Variants in TRUB1 observed in about 807,000 individuals in gnomAD.
TRUB1 encodes the protein pseudouridylate synthase TRUB1.
In TRUB1, 23 loss-of-function variants were observed where a neutral mutation model predicts 33.9. That is an observed-to-expected ratio of 0.68 (90% CI 0.49 to 0.96). TRUB1 has a LOEUF of 0.96. Ranked by LOEUF, TRUB1 falls within the 40% of genes least tolerant of loss-of-function variation. The pLI, the probability that TRUB1 is intolerant of heterozygous loss-of-function variation, is 0.00. For synonymous variants in TRUB1, 163 were observed against 165.4 expected (o/e 0.99, Z 0.11); for missense variants, 378 against 422.2 (o/e 0.90, Z 0.92).
At chr10:114,972,571 G>C (rs1267450056) in intron 6 of TRUB1, among the ~76,000 whole-genome samples, 2 of 152,136 alleles carry the variant, frequency 1.3e-5, no homozygotes, top group African/African-American at 4.8e-5. Context: ...AGAAGAGTAG[G>C]TAAGGAGTGT....
At chr10:114,943,606 T>C (rs1375682171) in intron 2 of TRUB1, among the ~76,000 whole-genome samples, 2 of 152,202 alleles carry the variant, frequency 1.3e-5, no homozygotes, top group East Asian at 1.9e-4. Context: ...ACATTGCACA[T>C]GTGTTACCGC....
intron 2 of TRUB1, among the ~76,000 whole-genome samples, chr10:114,950,090 G>T (rs958984662): frequency 5.9e-5 from 9 of 151,820 alleles, no homozygotes; most frequent in Non-Finnish European, 1.3e-4. Flanking sequence ...TAGAGACGGG[G>T]TTTCTCCATG....
In TRUB1 at chr10:114,938,498, C is replaced by T; in HGVS notation, c.245C>T (p.Ser82Leu). 6.4e-7 allele frequency: 1 copy of T among 1,569,328 alleles called. No individual in the cohort carries two copies. Among genetic ancestry groups the T allele is most frequent in the Non-Finnish European group, 8.6e-7 (1 of 1,160,972 alleles). Residue 82 changes from serine (S) to leucine (L), a missense_variant, in exon 1 of 8, where the codon TCA becomes TTA. By Grantham distance (145) the Ser-to-Leu change is moderately radical (BLOSUM62 -2). Coordinates refer to ENST00000298746, the MANE Select transcript of TRUB1 (RefSeq NM_139169.5). Reference sequence around the variant, plus strand: ...GTGCACAAGCCCAAAGGGCCCACTTCAGCCGAGCTGCTGAATCGGTTGAAG... The same window carrying T: ...GTGCACAAGCCCAAAGGGCCCACTTTAGCCGAGCTGCTGAATCGGTTGAAG... ...FAVHKPKGPT[S>L]AELLNRLKEK...
At chr10:114,955,672 G>A (rs1037546766) in intron 3 of TRUB1, among the ~76,000 whole-genome samples, 4 of 152,200 alleles carry the variant, frequency 2.6e-5, no homozygotes, top group Non-Finnish European at 4.4e-5. Context: ...AGGTTAACCA[G>A]TTATGAGAAC....
intron 4 of TRUB1, among the ~76,000 whole-genome samples, chr10:114,964,713 TTCAGCAC>T (rs951122401): frequency 6.6e-6 from 1 of 152,208 alleles, no homozygotes; most frequent in African/African-American, 2.4e-5. Flanking sequence ...GTCCAGTTGC[TTCAGCAC>T]TTTCCCAGTA....
At chr10:114,967,702 C>T (rs1037010067) in intron 4 of TRUB1, among the ~76,000 whole-genome samples, 1 of 152,150 alleles carries the variant, frequency 6.6e-6, no homozygotes, top group Non-Finnish European at 1.5e-5. Flanking sequence ...GATATATTTA[C>T]TGTGGACATT....
chr10:114,951,960 G>A (rs532546058), intron 3 of TRUB1, among the ~76,000 whole-genome samples: 11 of 152,212 alleles, frequency 7.2e-5, no homozygotes, highest in Non-Finnish European at 1.5e-4. Context: ...AAAATCTGTT[G>A]TCAAAGACCA....
chr10:114,956,474 T>C (rs1387706638), intron 3 of TRUB1, among the ~76,000 whole-genome samples: 1 of 152,200 alleles, frequency 6.6e-6, no homozygotes, highest in Non-Finnish European at 1.5e-5. Context: ...TTGTTTCAGC[T>C]GAAGGCTTAA....
chr10:114,964,697 A>G (rs1387509076), intron 4 of TRUB1, among the ~76,000 whole-genome samples: 1 of 152,064 alleles, frequency 6.6e-6, no homozygotes, highest in African/African-American at 2.4e-5. Flanking sequence ...TTCTTCCTGC[A>G]TGGATGTCCA....
At chr10:114,939,512 G>C (rs570623257) in intron 1 of TRUB1, among the ~76,000 whole-genome samples, 1 of 152,218 alleles carries the variant, frequency 6.6e-6, no homozygotes, top group East Asian at 1.9e-4. Context: ...ACATTGTTTA[G>C]TGTCCCATGG....
At chr10:114,963,412 G>A (rs558321375) in intron 4 of TRUB1, among the ~76,000 whole-genome samples, 1 of 152,026 alleles carries the variant, frequency 6.6e-6, no homozygotes, top group South Asian at 2.1e-4. Flanking sequence ...TGTGTAGCTG[G>A]GTATAAAAAT....
Position 114,946,204 on chromosome 10 carries a change from C to T in TRUB1, c.385+3461C>T, listed in dbSNP as rs530001771. Among the ~76,000 whole-genome samples, 9 of 152,236 alleles carry T rather than the reference C, an allele frequency of 5.9e-5. No homozygotes were observed. The South Asian group carries it at 6.2e-4, about 11-fold the overall frequency. On this transcript the variant is annotated intron_variant, in intron 2 of 7. Transcript: ENST00000298746. The stretch of plus-strand genomic sequence containing the variant: ...AAGAAAATCTCGTAACTTCACTGAA[C>T]GTGTCTTCATCTCTTAAAAGAAGAT...
At position 114,976,765 on chromosome 10, in the gene TRUB1, T is replaced by TGTTGAAGTATGTTAGTG. The variant is rs143426603; in HGVS notation, c.*1386_*1387insGTTGAAGTATGTTAGTG. Reference sequence around the variant, plus strand: ...GCATTTTCAACATATTGGCAACATATTTTAAATGAAAACACTAAAACAATT... The same window carrying TGTTGAAGTATGTTAGTG: ...GCATTTTCAACATATTGGCAACATATGTTGAAGTATGTTAGTGTTTAAATGAAAACACTAAAACAATT... On this transcript the variant is annotated 3_prime_UTR_variant, in exon 8 of 8. Coordinates refer to ENST00000298746, the MANE Select transcript of TRUB1 (RefSeq NM_139169.5). 2 of 152,070 alleles carry TGTTGAAGTATGTTAGTG rather than the reference T, an allele frequency of 1.3e-5. No individual in the cohort carries two copies. The highest frequency in any genetic ancestry group is 4.8e-5 in the African/African-American group (2 of 41,386). 9.4% of individuals were successfully genotyped at this position (152,070 alleles called of 1,614,324 possible).
chr10:114,960,687 TACTG>T (rs1466781092), intron 4 of TRUB1, among the ~76,000 whole-genome samples: 1 of 152,112 alleles, frequency 6.6e-6, no homozygotes, highest in Non-Finnish European at 1.5e-5. Flanking sequence ...AAAGAAAAAT[TACTG>T]ATTGATTTCA....
chr10:114,956,194 G>A (rs1423384192), intron 3 of TRUB1, among the ~76,000 whole-genome samples: 1 of 152,148 alleles, frequency 6.6e-6, no homozygotes, highest in Non-Finnish European at 1.5e-5. Flanking sequence ...GAGAAACTGT[G>A]AGTCCCAGAG....
At chr10:114,964,793 T>A (rs1383566285) in intron 4 of TRUB1, among the ~76,000 whole-genome samples, 2 of 151,612 alleles carry the variant, frequency 1.3e-5, no homozygotes, top group East Asian at 3.8e-4. Flanking sequence ...TAAAAAAAAA[T>A]CTATTTTTTT....
At chr10:114,961,229 T>C (rs952270931) in intron 4 of TRUB1, among the ~76,000 whole-genome samples, 1 of 152,052 alleles carries the variant, frequency 6.6e-6, no homozygotes, top group Non-Finnish European at 1.5e-5. Context: ...GAGGCTCTTA[T>C]AGTAGTCCAA....
intron 3 of TRUB1, among the ~76,000 whole-genome samples, chr10:114,954,261 T>A (rs908845785): frequency 6.6e-6 from 1 of 152,208 alleles, no homozygotes; most frequent in Non-Finnish European, 1.5e-5. Context: ...TTCAGTGTTC[T>A]TGTTACAGCC....
Position 114,938,273 on chromosome 10 carries a change from C to T in TRUB1, c.20C>T (p.Ala7Val), listed in dbSNP as rs781079988. The T allele has an allele frequency of 1.2e-5, 19 of 1,614,052 alleles. No homozygotes were observed. Among genetic ancestry groups the T allele is most frequent in the East Asian group, 2.2e-5 (1 of 44,866 alleles). MAASEAAVVSSPSLKTD... is the reference protein window; with the variant it reads MAASEAVVVSSPSLKTD... Reference sequence around the variant, plus strand: ...AAAAGTATGGCCGCTTCTGAGGCGGCGGTGGTGTCTTCGCCGTCTTTGAAA... The same window carrying T: ...AAAAGTATGGCCGCTTCTGAGGCGGTGGTGGTGTCTTCGCCGTCTTTGAAA... The change falls in exon 1 of 8, where the codon GCG becomes GTG. Residue 7 changes from alanine (A) to valine (V), a missense_variant. By Grantham distance (64) the Ala-to-Val change is moderately conservative. Transcript: ENST00000298746.
Sources: allele counts gnomAD v4.1 joint callset (sites outside exome capture counted in the v4.1 genomes callset), GRCh38; gene constraint gnomAD v4.1.1; transcripts MANE v1.5; gene names NCBI Gene and HGNC (gene_info 2026-07-23, HGNC 2026-07-21).